The following AGMO variants were observed in gnomAD, a reference collection of about 807,000 sequenced individuals.
AGMO encodes the protein alkylglycerol monooxygenase, also known as glyceryl-ether monooxygenase.
A neutral mutation model predicts 60.2 loss-of-function variants in AGMO; 75 were observed. The ratio of observed to expected loss-of-function variants is 1.25; its 90% CI spans 1.03 to 1.51. AGMO has a LOEUF of 1.51. Among genes scored for constraint, AGMO ranks in the 40% most tolerant of loss-of-function variants. The pLI is 0.00. For missense variants in AGMO, 763 were observed against 525.5 expected (o/e 1.45, Z -4.42); for synonymous variants, 261 against 177.1 (o/e 1.47, Z -3.76).
At chr7:15,421,377 A>G (rs904117166) in intron 4 of AGMO, among the ~76,000 whole-genome samples, 1 of 152,166 alleles carries the variant, frequency 6.6e-6, no homozygotes, top group African/African-American at 2.4e-5. Flanking sequence ...CAGAGAAGGG[A>G]GCCATTTCAA....
intron 12 of AGMO, among the ~76,000 whole-genome samples, chr7:15,339,710 C>T (rs568412828): frequency 6.6e-6 from 1 of 152,236 alleles, no homozygotes; most frequent in Admixed American, 6.5e-5. Context: ...TCTAGGGACA[C>T]CAATATCCCT....
intron 12 of AGMO, among the ~76,000 whole-genome samples, chr7:15,347,488 A>C (rs546085770): frequency 6.6e-6 from 1 of 152,182 alleles, no homozygotes; most frequent in African/African-American, 2.4e-5. Context: ...ACAGGGATTT[A>C]TGATCTTATC....
At chr7:15,188,966 A>G in the AGMO span, among the ~76,000 whole-genome samples, 4 of 152,172 alleles carry the variant, frequency 2.6e-5, no homozygotes, top group Non-Finnish European at 4.4e-5. Context: ...ATTACAGACA[A>G]CTTTTTGAAT....
chr7:15,176,770 C>A, the AGMO span, among the ~76,000 whole-genome samples: 140 of 152,022 alleles, frequency 9.2e-4, 2 homozygotes, highest in African/African-American at 3.2e-3. Flanking sequence ...ATTAGATCCC[C>A]AGAGCTTATT....
the AGMO span, among the ~76,000 whole-genome samples, chr7:15,183,460 T>C: frequency 2.0e-5 from 3 of 152,220 alleles, no homozygotes; most frequent in Admixed American, 6.5e-5. Context: ...TATGAACCAC[T>C]GTTCTTGAAA....
chr7:15,422,438 C>T (rs576463855), intron 4 of AGMO, among the ~76,000 whole-genome samples: 100 of 151,576 alleles, frequency 6.6e-4, no homozygotes, highest in African/African-American at 2.1e-3. Flanking sequence ...ATTAGACCAA[C>T]GGAAGAGAGG....
At chr7:15,140,394 A>G in the AGMO span, among the ~76,000 whole-genome samples, 2 of 152,206 alleles carry the variant, frequency 1.3e-5, no homozygotes, top group East Asian at 1.9e-4. Context: ...TTTCACTACA[A>G]TGCTATTAGC....
At chr7:15,441,523 A>G (rs1038729618) in intron 3 of AGMO, among the ~76,000 whole-genome samples, 14 of 152,178 alleles carry the variant, frequency 9.2e-5, no homozygotes, top group Non-Finnish European at 1.8e-4. Flanking sequence ...AAATCTTCCA[A>G]AGTATTTAAT....
At chr7:15,508,769 A>G (rs866048060) in intron 3 of AGMO, among the ~76,000 whole-genome samples, 5 of 151,510 alleles carry the variant, frequency 3.3e-5, no homozygotes, top group Middle Eastern at 6.8e-3. Context: ...TAGAGAGGGG[A>G]AAAAAAAACC....
At chr7:15,353,879 C>T (rs2128555024) in intron 12 of AGMO, among the ~76,000 whole-genome samples, 1 of 152,102 alleles carries the variant, frequency 6.6e-6, no homozygotes, top group East Asian at 1.9e-4. Context: ...CTTTTAATTG[C>T]CTTAATAAAG....
At chr7:15,138,361 G>C in the AGMO span, among the ~76,000 whole-genome samples, 2 of 152,152 alleles carry the variant, frequency 1.3e-5, no homozygotes, top group Non-Finnish European at 2.9e-5. Context: ...GATTTAAGTA[G>C]AGTTAAGCAC....
At chr7:15,378,853 A>T (rs1041546298) in intron 10 of AGMO, among the ~76,000 whole-genome samples, 1 of 151,584 alleles carries the variant, frequency 6.6e-6, no homozygotes, top group African/African-American at 2.4e-5. Flanking sequence ...AAAATCAATC[A>T]CAAAAATGAA....
chr7:15,143,911 C>T, the AGMO span, among the ~76,000 whole-genome samples: 84 of 152,096 alleles, frequency 5.5e-4, 1 homozygote, highest in Non-Finnish European at 1.1e-3. Context: ...AGAAAGCCAG[C>T]GCACTGTACA....
intron 10 of AGMO, among the ~76,000 whole-genome samples, chr7:15,384,467 A>G (rs908640913): frequency 8.5e-5 from 13 of 152,202 alleles, no homozygotes; most frequent in East Asian, 7.7e-4. Flanking sequence ...GTGCATTTTA[A>G]TAATTACATT....
intron 5 of AGMO, among the ~76,000 whole-genome samples, chr7:15,416,425 C>T (rs1780773091): frequency 6.6e-6 from 1 of 152,076 alleles, no homozygotes; most frequent in South Asian, 2.1e-4. Flanking sequence ...TTTTATCTCA[C>T]AGTCTTTCAA....
At chr7:15,269,043 T>C (rs748617660) in intron 12 of AGMO, among the ~76,000 whole-genome samples, 11 of 152,076 alleles carry the variant, frequency 7.2e-5, no homozygotes, top group Non-Finnish European at 1.5e-4. Context: ...AAGGAACAGA[T>C]AATAAAGAAT....
intron 12 of AGMO, among the ~76,000 whole-genome samples, chr7:15,247,453 C>CAGAGAGAGAG (rs1456242367): frequency 2.1e-4 from 25 of 117,600 alleles, no homozygotes; most frequent in African/African-American, 7.4e-4. Flanking sequence ...CACACACACA[C>CAGAGAGAGAG]ACACACAGAG....
intron 3 of AGMO, among the ~76,000 whole-genome samples, chr7:15,487,151 T>C (rs1463581252): frequency 3.3e-5 from 5 of 152,236 alleles, no homozygotes; most frequent in African/African-American, 1.2e-4. Flanking sequence ...CAAATATTTT[T>C]AAATAAAAAG....
intron 10 of AGMO, among the ~76,000 whole-genome samples, chr7:15,375,186 T>C (rs575231613): frequency 1.3e-5 from 2 of 152,180 alleles, no homozygotes; most frequent in Admixed American, 6.5e-5. Flanking sequence ...CATAAAACTA[T>C]TTTGTGGGAG....
Sources: allele counts gnomAD v4.1 joint callset (sites outside exome capture counted in the v4.1 genomes callset), GRCh38; gene constraint gnomAD v4.1.1; transcripts MANE v1.5; gene names NCBI Gene and HGNC (gene_info 2026-07-23, HGNC 2026-07-21).